Variants in UVRAG observed in about 807,000 individuals in gnomAD.
UVRAG encodes the protein UV radiation resistance-associated gene protein.
In UVRAG, 19 loss-of-function variants were observed where a neutral mutation model predicts 78.0. The observed-to-expected ratio is 0.24, with a 90% confidence interval of 0.17 to 0.36. UVRAG has a LOEUF of 0.36. UVRAG is among the 10% of genes least tolerant of loss of function. The pLI, the probability that UVRAG is intolerant of heterozygous loss-of-function variation, is 1.00. For missense variants in UVRAG, 740 were observed against 853.8 expected, an observed-to-expected ratio of 0.87 and a Z score of 1.66; for synonymous variants, 323 against 324.6, an observed-to-expected ratio of 1.00 and a Z score of 0.05.
chr11:75,924,919 C>T (rs747351235), intron 6 of UVRAG, among the ~76,000 whole-genome samples: 12 of 152,134 alleles, frequency 7.9e-5, no homozygotes, highest in Non-Finnish European at 1.8e-4. Context: ...CAAAAGTCAG[C>T]TTTCAAATGT....
In UVRAG at chr11:76,141,574, T is replaced by A. The variant is rs578170940; in HGVS notation, c.*161T>A. On this transcript the variant is annotated 3_prime_UTR_variant, in exon 15 of 15. Coordinates refer to ENST00000356136, the MANE Select transcript of UVRAG (RefSeq NM_003369.4). ...GAATGAAGGAGGGACTCAGGATCAT[T>A]GTTATCAGTGGGCCAAAGTTAGATT... is the stretch of plus-strand genomic sequence containing the variant. 35 of 777,200 alleles carry A rather than the reference T, an allele frequency of 4.5e-5. No individual in the cohort carries two copies. The South Asian group carries it at 6.6e-4, about 15-fold the overall frequency. The allele number at this position is 777,200 out of a possible 1,614,324, so 48.1% of individuals were successfully genotyped here.
intron 5 of UVRAG, among the ~76,000 whole-genome samples, chr11:75,900,909 T>C (rs1208738532): frequency 6.6e-6 from 1 of 152,246 alleles, no homozygotes; most frequent in African/African-American, 2.4e-5. Context: ...AAACATCCTC[T>C]GTTGTCTCAA....
chr11:75,944,912 AC>A (rs1948559767), intron 6 of UVRAG, among the ~76,000 whole-genome samples: 1 of 152,090 alleles, frequency 6.6e-6, no homozygotes, highest in South Asian at 2.1e-4. Context: ...AAGATACAGA[AC>A]CTTTAGTCAG....
rs1237575415 is a variant in UVRAG at position 76,038,481 on chromosome 11, TTATGTACATAAGTTA to T, written c.1226+21505_1226+21519del. ...AGAGATAATTTGAAGTATACAGGAC[TTATGTACATAAGTTA>T]TATTTGTAGGTTATATTAAAATACA... On this transcript the variant is annotated intron_variant, in intron 12 of 14. Coordinates refer to ENST00000356136, the MANE Select transcript of UVRAG (RefSeq NM_003369.4). Among the ~76,000 whole-genome samples, 8 of 152,360 alleles carry T rather than the reference TTATGTACATAAGTTA, an allele frequency of 5.3e-5. No homozygotes were observed. The South Asian group carries it at 6.2e-4, about 12-fold the overall frequency.
intron 11 of UVRAG, among the ~76,000 whole-genome samples, chr11:76,015,720 T>C (rs1443269339): frequency 1.3e-5 from 2 of 152,196 alleles, no homozygotes; most frequent in African/African-American, 4.8e-5. Flanking sequence ...TAGTGGCACT[T>C]CTACCATAAG....
chr11:75,900,352 T>C (rs1264716787), intron 5 of UVRAG, among the ~76,000 whole-genome samples: 1 of 152,218 alleles, frequency 6.6e-6, no homozygotes, highest in Non-Finnish European at 1.5e-5. Context: ...TCAACTGTTG[T>C]ACAAAGCTGG....
chr11:76,064,085 C>A lies in UVRAG; in HGVS notation c.1227-1625C>A, dbSNP rs989109625. Among the ~76,000 whole-genome samples the A allele has an allele frequency of 3.3e-5, 5 of 152,208 alleles. No homozygotes were observed. The South Asian group carries it at 8.3e-4, about 25-fold the overall frequency. ...TTGTATAAATAAGTCCCACTGAAGT[C>A]ATAATAAAGTCAAATGTTGTGAAAT... On this transcript the variant is annotated intron_variant, in intron 12 of 14. Coordinates refer to ENST00000356136, the MANE Select transcript of UVRAG (RefSeq NM_003369.4).
At chr11:76,110,737 A>T (rs576443420) in intron 13 of UVRAG, among the ~76,000 whole-genome samples, 1 of 152,292 alleles carries the variant, frequency 6.6e-6, no homozygotes, top group East Asian at 1.9e-4. Context: ...AGAGACATAG[A>T]GACAAGAAAG....
intron 14 of UVRAG, among the ~76,000 whole-genome samples, chr11:76,131,184 A>C (rs193302294): frequency 4.6e-5 from 7 of 152,268 alleles, no homozygotes; most frequent in African/African-American, 1.7e-4. Context: ...ATTTTACTAC[A>C]TTAATTTGTA....
chr11:76,088,310 C>T (rs1056896291), intron 13 of UVRAG, among the ~76,000 whole-genome samples: 2 of 152,114 alleles, frequency 1.3e-5, no homozygotes, highest in African/African-American at 4.8e-5. Context: ...TAGAGTCCTG[C>T]TGAAATACTT....
chr11:75,927,389 A>G (rs1655433500), intron 6 of UVRAG, among the ~76,000 whole-genome samples: 1 of 152,122 alleles, frequency 6.6e-6, no homozygotes, highest in African/African-American at 2.4e-5. Flanking sequence ...TTTGGAAGTG[A>G]AAAAGTATAT....
chr11:75,856,247 C>T (rs375328397), intron 2 of UVRAG, among the ~76,000 whole-genome samples: 43 of 152,288 alleles, frequency 2.8e-4, no homozygotes, highest in African/African-American at 1.0e-3. Context: ...TCGTGATCCG[C>T]CTGCCTCGGC....
chr11:76,067,522 C>T (rs188441299), intron 13 of UVRAG, among the ~76,000 whole-genome samples: 33 of 151,974 alleles, frequency 2.2e-4, no homozygotes, highest in Non-Finnish European at 4.1e-4. Flanking sequence ...TTTGGGAGGC[C>T]GAGATGGGTG....
chr11:75,911,190 C>A, intron 5 of UVRAG: 1 of 156,594 alleles, frequency 6.4e-6, no homozygotes. Context: ...CAGGATACCT[C>A]CTTCTCTCAA....
At chr11:75,938,972 C>A (rs1565389476) in intron 6 of UVRAG, among the ~76,000 whole-genome samples, 3 of 152,176 alleles carry the variant, frequency 2.0e-5, no homozygotes, top group Admixed American at 6.5e-5. Context: ...TGGAAACTTT[C>A]TCTAAGCATT....
intron 11 of UVRAG, among the ~76,000 whole-genome samples, chr11:76,016,090 T>C (rs1950140524): frequency 6.6e-6 from 1 of 152,230 alleles, no homozygotes; most frequent in African/African-American, 2.4e-5. Context: ...TGGATAAGTT[T>C]AGAAAATGTA....
At chr11:75,903,369 C>T (rs1346421111) in intron 5 of UVRAG, among the ~76,000 whole-genome samples, 1 of 152,192 alleles carries the variant, frequency 6.6e-6, no homozygotes, top group Non-Finnish European at 1.5e-5. Context: ...GTATTCAAGA[C>T]TTGCTGTGTT....
At chr11:75,818,161 T>A (rs1313719542) in intron 1 of UVRAG, among the ~76,000 whole-genome samples, 1 of 152,170 alleles carries the variant, frequency 6.6e-6, no homozygotes, top group African/African-American at 2.4e-5. Context: ...CTGTTTTTCC[T>A]TTTTCTCTAA....
intron 1 of UVRAG, among the ~76,000 whole-genome samples, chr11:75,833,646 G>T (rs952070698): frequency 3.9e-5 from 6 of 152,130 alleles, no homozygotes; most frequent in Non-Finnish European, 8.8e-5. Flanking sequence ...TTCAGAGCTG[G>T]GAGCCTCGGA....
Sources: allele counts gnomAD v4.1 joint callset (sites outside exome capture counted in the v4.1 genomes callset), GRCh38; gene constraint gnomAD v4.1.1; transcripts MANE v1.5; gene names NCBI Gene and HGNC (gene_info 2026-07-23, HGNC 2026-07-21).